UBXN6: variants seen among roughly 807,000 people sequenced by gnomAD.
UBXN6 encodes UBX domain-containing protein 6.
Under a neutral mutation model 51.4 loss-of-function variants are expected in UBXN6, and 44 were observed. The ratio of observed to expected loss-of-function variants is 0.86; its 90% confidence interval spans 0.67 to 1.10. The LOEUF is 1.10. UBXN6 is among the 50% of genes least tolerant of loss of function. The pLI, the probability that UBXN6 is intolerant of heterozygous loss-of-function variation, is 0.00. For synonymous variants in UBXN6, 316 were observed against 263.2 expected (o/e 1.20, Z -1.94); for missense variants, 672 against 596.1 (o/e 1.13, Z -1.32).
intron 5 of UBXN6, 105 bp from the exon 6 acceptor site, chr19:4,447,730 AGTCAGAG>A: frequency 8.4e-7 from 1 of 1,187,536 alleles, no homozygotes; most frequent in Non-Finnish European, 1.3e-6. Flanking sequence ...CTTGGCCTCT[AGTCAGAG>A]GGAAGAAGCG....
intron 1 of UBXN6, among the ~76,000 whole-genome samples, chr19:4,456,425 G>A (rs1395609834): frequency 7.2e-6 from 1 of 138,082 alleles, no homozygotes; most frequent in Non-Finnish European, 1.6e-5. Flanking sequence ...GCCTCTCCCA[G>A]CCCCCACTCC....
chr19:4,448,691 C>T (rs1435013170), intron 4 of UBXN6: 4 of 484,902 alleles, frequency 8.2e-6, no homozygotes, highest in East Asian at 3.7e-5. Context: ...GCCAGTGTGA[C>T]GCGACAGAAC....
In UBXN6 at chr19:4,452,347, C is replaced by T; in HGVS notation, c.441+17G>A. 2 of 1,611,880 alleles carry T rather than the reference C, an allele frequency of 1.2e-6. No individual in the cohort carries two copies. The highest frequency in any genetic ancestry group is 1.7e-6 in the Non-Finnish European group (2 of 1,178,618). ...GAAGCTACAGGTTGGGGCAGGAGCACACAGGGTGCCACTCACCAAGAGAAT... is the reference window on the plus strand; with the variant it reads ...GAAGCTACAGGTTGGGGCAGGAGCATACAGGGTGCCACTCACCAAGAGAAT... On this transcript the variant is annotated intron_variant, in intron 4 of 10. Coordinates refer to ENST00000301281, the MANE Select transcript of UBXN6 (RefSeq NM_025241.3).
At chr19:4,445,648 CTG>C in intron 10 of UBXN6, 25 bp from the exon 11 acceptor site, 2 of 1,603,638 alleles carry the variant, frequency 1.2e-6, no homozygotes, top group Non-Finnish European at 1.7e-6. Context: ...GGCCGTCACT[CTG>C]AGACCGAGAG....
In UBXN6 at chr19:4,447,610, G is replaced by A. The variant is rs763312462; in HGVS notation, c.555C>T (p.Ile185=). The change falls in exon 6 of 11, where the codon ATC becomes ATT. Residue 185 remains isoleucine (I), a synonymous_variant. Coordinates refer to ENST00000301281, the MANE Select transcript of UBXN6 (RefSeq NM_025241.3). The part of the protein sequence containing the change: ...VDTIAKYLDN[I]HLHPEEEKYR... Reference sequence around the variant, plus strand: ...ACTTCTCCTCCTCGGGGTGCAGGTGGATGTTGTCCAGGTACCTGGGGTAGG... The same window carrying A: ...ACTTCTCCTCCTCGGGGTGCAGGTGAATGTTGTCCAGGTACCTGGGGTAGG... The A allele has an allele frequency of 1.9e-6, 3 of 1,613,818 alleles. No individual in the cohort carries two copies. The highest frequency in any genetic ancestry group is 2.5e-6 in the Non-Finnish European group (3 of 1,179,882).
Position 4,457,719 on chromosome 19 carries a change from G to C in UBXN6, c.-22C>G, listed in dbSNP as rs1411574416. On this transcript the variant is annotated 5_prime_UTR_variant, in exon 1 of 11. Coordinates refer to ENST00000301281, the MANE Select transcript of UBXN6 (RefSeq NM_025241.3). The stretch of plus-strand genomic sequence containing the variant: ...TCATGGTGGCGGCTGGCCCGGCGGC[G>C]GGGGGCCGCGGGGGCGGGGGGGCAC... The C allele has an allele frequency of 2.7e-6, 4 of 1,493,724 alleles. No homozygotes were observed. The Admixed American group carries it at 6.4e-5, about 24-fold the overall frequency. The allele number at this position is 1,493,724 out of a possible 1,614,324, so 92.5% of individuals were successfully genotyped here.
At chr19:4,454,354 C>T (rs1433183084) in intron 1 of UBXN6, among the ~76,000 whole-genome samples, 2 of 152,178 alleles carry the variant, frequency 1.3e-5, no homozygotes, top group African/African-American at 4.8e-5. Flanking sequence ...CCCCACTGGC[C>T]CTCAGCGTCC....
chr19:4,448,774 C>T (rs1158198679), intron 4 of UBXN6: 1 of 259,714 alleles, frequency 3.9e-6, no homozygotes, highest in African/African-American at 2.2e-5. Flanking sequence ...ACTTACAGAA[C>T]CTCCCGCCAC....
In UBXN6 at chr19:4,457,599, T is replaced by C; in HGVS notation, c.83+16A>G. The C allele has an allele frequency of 6.3e-7, 1 of 1,578,998 alleles. No homozygotes were observed. Among genetic ancestry groups the C allele is most frequent in the African/African-American group, 1.4e-5 (1 of 70,428 alleles). On this transcript the variant is annotated intron_variant, in intron 1 of 10. Transcript: ENST00000301281. ...CCCGCCCCGCAGGGCCTCAAGCCCCTGCGTTCCTCACGCACCCCACGGACT... is the reference window on the plus strand; with the variant it reads ...CCCGCCCCGCAGGGCCTCAAGCCCCCGCGTTCCTCACGCACCCCACGGACT...
intron 7 of UBXN6, 22 bp from the exon 8 acceptor site, chr19:4,446,741 G>A (rs1205975821): frequency 6.2e-7 from 1 of 1,609,734 alleles, no homozygotes; most frequent in East Asian, 2.2e-5. Flanking sequence ...CAGGACATGG[G>A]TGTCACTGTG....
intron 1 of UBXN6, 46 bp downstream of exon 1, chr19:4,457,569 C>T: frequency 2.6e-6 from 4 of 1,544,116 alleles, no homozygotes; most frequent in Non-Finnish European, 3.5e-6. Flanking sequence ...CTCTCCCCGG[C>T]CGTCCCCGCC....
intron 3 of UBXN6, among the ~76,000 whole-genome samples, chr19:4,452,870 C>A (rs540456493): frequency 6.6e-6 from 1 of 152,346 alleles, no homozygotes; most frequent in East Asian, 1.9e-4. Context: ...GGCATGACTT[C>A]TGGGCCTCCA....
rs763974738 is a variant in UBXN6, at chr19:4,445,512, C to T, written c.1312G>A (p.Glu438Lys). ...CTGCTTTTATTTCACAAGAGCTTCT[C>T]GATGGCTGACAGGAGCTCGGGTTTC... ...ILKPELLSAI[E>K]KLL The change falls in exon 11 of 11, where the codon GAG (glutamate) becomes AAG (lysine). Residue 438 changes from glutamate (E) to lysine (K), a missense_variant. By Grantham distance (56) the Glu-to-Lys change is moderately conservative. Transcript: ENST00000301281. 3.7e-6 allele frequency: 6 copies of T among 1,613,804 alleles called. No homozygotes were observed. Among genetic ancestry groups the T allele is most frequent in the Admixed American group, 1.7e-5 (1 of 60,000 alleles).
At chr19:4,457,590 T>A (rs1188690765) in intron 1 of UBXN6, 25 bp downstream of exon 1, 1 of 1,575,538 alleles carries the variant, frequency 6.3e-7, no homozygotes, top group Non-Finnish European at 8.6e-7. Context: ...CCGCAGGGCC[T>A]CAAGCCCCTG....
Position 4,446,143 on chromosome 19 carries a change from G to A in UBXN6, c.1106C>T (p.Ala369Val). 6.2e-7 allele frequency: 1 copy of A among 1,611,750 alleles called. No homozygotes were observed. The highest frequency in any genetic ancestry group is 8.5e-7 in the Non-Finnish European group (1 of 1,179,838). Residue 369 changes from alanine to valine, a missense_variant, in exon 10 of 11, where the codon GCC (alanine) becomes GTC (valine). Ala to Val is a moderately conservative substitution (Grantham distance 64). Coordinates refer to ENST00000301281, the MANE Select transcript of UBXN6 (RefSeq NM_025241.3). ...LGAVYGFVRE[A>V]LQSDWLPFEL... The stretch of plus-strand genomic sequence containing the variant: ...AAAAGGCAGCCAGTCGCTCTGCAGG[G>A]CCTCCCGGACGAACCCGTACACCGC...
In UBXN6 at chr19:4,457,436, T is replaced by C. The variant is rs1188034518; in HGVS notation, c.83+179A>G. 5.4e-5 allele frequency among the ~76,000 whole-genome samples: 5 copies of C among 91,804 alleles called. No individual in the cohort carries two copies. In the Admixed American group the frequency reaches 6.4e-4, roughly 12 times the overall value. The allele number at this position is 91,804 out of a possible 152,430, so 60.2% of individuals were successfully genotyped here. A position where few individuals can be genotyped will look rare whatever the true frequency, so the allele number is the denominator to read the frequency against. ...CCCCCAGATCTCTCTCCCCTCCCCC[T>C]GACGCCCACCCTCGGCCCGACTTCG... On this transcript the variant is annotated intron_variant, in intron 1 of 10. Coordinates refer to ENST00000301281, the MANE Select transcript of UBXN6 (RefSeq NM_025241.3).
At chr19:4,446,812 C>T (rs1203148105) in intron 7 of UBXN6, 24 bp downstream of exon 7, 5 of 1,613,872 alleles carry the variant, frequency 3.1e-6, no homozygotes, top group African/African-American at 2.7e-5. Flanking sequence ...CCATTCCCTA[C>T]TCAGCCAGGC....
At chr19:4,453,795 C>T (rs1203047083) in intron 2 of UBXN6, 135 bp downstream of exon 2, 1 of 1,347,926 alleles carries the variant, frequency 7.4e-7, no homozygotes, top group Non-Finnish European at 1.0e-6. Flanking sequence ...CCAGCACCTG[C>T]CCTTGATGAG....
intron 4 of UBXN6, chr19:4,449,423 C>T (rs1300424377): frequency 6.6e-6 from 1 of 152,472 alleles, no homozygotes; most frequent in African/African-American, 2.4e-5. Flanking sequence ...TGAGCCGGGG[C>T]TCATGCCAAC....
Sources: gnomAD v4.1 joint callset for allele counts (sites outside exome capture counted in the v4.1 genomes callset) on GRCh38, gnomAD v4.1.1 for gene constraint, MANE v1.5 for transcripts, NCBI Gene and HGNC (gene_info 2026-07-23, HGNC 2026-07-21) for gene names.